The following ZNF544 variants were observed in gnomAD, a reference collection of about 807,000 sequenced individuals.
ZNF544 encodes zinc finger protein 544.
In ZNF544, 10 loss-of-function variants were observed where a neutral mutation model predicts 13.5. The ratio of observed to expected loss-of-function variants is 0.74; its 90% confidence interval spans 0.46 to 1.25. The LOEUF is 1.25. Among genes scored for constraint, ZNF544 ranks in the 50% most tolerant of loss-of-function variants. The pLI, the probability that ZNF544 is intolerant of heterozygous loss-of-function variation, is 0.00. For missense variants in ZNF544, 896 were observed against 845.6 expected, an observed-to-expected ratio of 1.06 and a Z score of -0.74; for synonymous variants, 323 against 300.5, an observed-to-expected ratio of 1.07 and a Z score of -0.77.
chr19:58,233,428 C>CATAG, intron 3 of ZNF544, among the ~76,000 whole-genome samples: 1 of 151,988 alleles, frequency 6.6e-6, no homozygotes, highest in Non-Finnish European at 1.5e-5. Context: ...GACACCATAG[C>CATAG]ATAGATATAA....
Position 58,262,846 on chromosome 19 carries a change from A to G in ZNF544, c.*92A>G. The G allele has an allele frequency of 6.6e-7, 1 of 1,509,534 alleles. No individual in the cohort carries two copies. The highest frequency in any genetic ancestry group is 2.4e-5 in the East Asian group (1 of 42,492). 93.5% of individuals were successfully genotyped at this position (1,509,534 alleles called of 1,614,324 possible). On this transcript the variant is annotated 3_prime_UTR_variant, in exon 7 of 7. Coordinates refer to ENST00000687789, the MANE Select transcript of ZNF544 (RefSeq NM_014480.4). Reference sequence around the variant, plus strand: ...GTCGGTGGGAAGAGCTATCAGTGTGACGTGTATTAAGCCAGCGGTTGTGAC... The same window carrying G: ...GTCGGTGGGAAGAGCTATCAGTGTGGCGTGTATTAAGCCAGCGGTTGTGAC...
At chr19:58,255,098 C>T (rs998529544) in intron 6 of ZNF544, among the ~76,000 whole-genome samples, 6 of 151,748 alleles carry the variant, frequency 4.0e-5, no homozygotes, top group Admixed American at 3.9e-4. Context: ...CCATGTTAGC[C>T]AGGATGGTCT....
intron 6 of ZNF544, among the ~76,000 whole-genome samples, chr19:58,248,819 G>A (rs1368548885): frequency 6.6e-6 from 1 of 152,200 alleles, no homozygotes; most frequent in Non-Finnish European, 1.5e-5. Flanking sequence ...AATGGGAGTG[G>A]TCTGGAGCAA....
At chr19:58,253,614 A>AT (rs1265680600) in intron 6 of ZNF544, among the ~76,000 whole-genome samples, 1 of 151,974 alleles carries the variant, frequency 6.6e-6, no homozygotes, top group Non-Finnish European at 1.5e-5. Context: ...AATTTTTTTT[A>AT]TTTTTAGTAG....
chr19:58,246,458 T>C, intron 5 of ZNF544, 31 bp downstream of exon 5: 1 of 1,612,712 alleles, frequency 6.2e-7, no homozygotes, highest in Non-Finnish European at 8.5e-7. Flanking sequence ...AAGGAGGTTC[T>C]ACCCCTAGGA....
At chr19:58,237,251 A>G (rs2042610533) in intron 3 of ZNF544, among the ~76,000 whole-genome samples, 2 of 151,570 alleles carry the variant, frequency 1.3e-5, no homozygotes, top group Non-Finnish European at 2.9e-5. Context: ...TTTTGTAGAG[A>G]CGGGGTTTTG....
At position 58,233,013 on chromosome 19, in the gene ZNF544, T is replaced by C. The variant is rs548385142; in HGVS notation, c.-60+2551T>C. Among the ~76,000 whole-genome samples the C allele has an allele frequency of 2.7e-5, 4 of 150,770 alleles. No homozygotes were observed. In the South Asian group the frequency reaches 8.4e-4, roughly 32 times the overall value. On this transcript the variant is annotated intron_variant, in intron 3 of 6. Coordinates refer to ENST00000687789, the MANE Select transcript of ZNF544 (RefSeq NM_014480.4). ...TAATTTATAAAGGAAAGAGGTTTAA[T>C]TGACTCACAGTTCCACATAGCTGGG...
Position 58,246,422 on chromosome 19 carries a change from C to T in ZNF544, c.155C>T (p.Ser52Phe), listed in dbSNP as rs2045230109. The part of the protein sequence containing the change: ...VTLETWEHIV[S>F]LGLFLSKSDV... ...CTGGAGACCTGGGAGCATATTGTCTCCCTGGGTAAGTGGCTGTGCTCATGG... is the reference window on the plus strand; with the variant it reads ...CTGGAGACCTGGGAGCATATTGTCTTCCTGGGTAAGTGGCTGTGCTCATGG... The change falls in exon 5 of 7, where the codon TCC (serine) becomes TTC (phenylalanine). Residue 52 changes from serine to phenylalanine, a missense_variant. Physicochemically the swap from Ser to Phe is radical, Grantham distance 155. Coordinates refer to ENST00000687789, the MANE Select transcript of ZNF544 (RefSeq NM_014480.4). 6.2e-7 allele frequency: 1 copy of T among 1,613,850 alleles called. No homozygotes were observed. The highest frequency in any genetic ancestry group is 8.5e-7 in the Non-Finnish European group (1 of 1,179,990).
intron 6 of ZNF544, among the ~76,000 whole-genome samples, chr19:58,256,400 TTCTC>T (rs2047381044): frequency 6.6e-6 from 1 of 152,012 alleles, no homozygotes; most frequent in South Asian, 2.1e-4. Flanking sequence ...ATGCTCAAAA[TTCTC>T]TCGGCCTCGA....
At position 58,261,170 on chromosome 19, in the gene ZNF544, C is replaced by A; in HGVS notation, c.564C>A (p.Asn188Lys). 1.2e-6 allele frequency: 2 copies of A among 1,614,176 alleles called. No individual in the cohort carries two copies. Among genetic ancestry groups the A allele is most frequent in the South Asian group, 2.2e-5 (2 of 91,088 alleles). The change falls in exon 7 of 7, where the codon AAC becomes AAA. Residue 188 changes from asparagine to lysine, a missense_variant. Coordinates refer to ENST00000687789, the MANE Select transcript of ZNF544 (RefSeq NM_014480.4). Reference sequence around the variant, plus strand: ...CAAGTACAGGTTTCCCTAAGCCCAACTCACAAGTTAAAGAGTTGAAACAAA... The same window carrying A: ...CAAGTACAGGTTTCCCTAAGCCCAAATCACAAGTTAAAGAGTTGAAACAAA... ...LPTSTGFPKP[N>K]SQVKELKQNS... is the part of the protein sequence containing the mutation.
rs549529116 is a variant in ZNF544, at chr19:58,243,889, G to C, written c.-59-76G>C. 142 of 1,251,450 alleles carry C rather than the reference G, an allele frequency of 1.1e-4. No individual in the cohort carries two copies. The African/African-American group carries it at 2.0e-3, about 18-fold the overall frequency. 77.5% of individuals were successfully genotyped at this position (1,251,450 alleles called of 1,614,324 possible). ...AAGCCCTGCTTGTGGCCGGCCCCGC[G>C]TTCTCTAGGGTGGGTGTTGGCCCTG... On this transcript the variant is annotated intron_variant, in intron 3 of 6. Coordinates refer to ENST00000687789, the MANE Select transcript of ZNF544 (RefSeq NM_014480.4).
Position 58,237,373 on chromosome 19 carries a change from C to G in ZNF544, c.-59-6592C>G, listed in dbSNP as rs553668153. 1.1e-3 allele frequency among the ~76,000 whole-genome samples: 161 copies of G among 152,256 alleles called. 1 individual carries two copies. Among genetic ancestry groups the G allele is most frequent in the Admixed American group, 2.1e-3 (32 of 15,290 alleles). ...CGCCTGGCCTCAAGCTTCTGTTCAT[C>G]TTAAGCCAACAATTTTGTGGAAATT... On this transcript the variant is annotated intron_variant, in intron 3 of 6. Transcript: ENST00000687789.
At position 58,244,069 on chromosome 19, in the gene ZNF544, T is replaced by C. The variant is rs1204605106; in HGVS notation, c.33+13T>C. The C allele has an allele frequency of 6.2e-7, 1 of 1,602,798 alleles. No homozygotes were observed. The highest frequency in any genetic ancestry group is 1.1e-5 in the South Asian group (1 of 89,188). ...GGTTCCACCCCAGGTGAGTGGGGGG[T>C]CTTTGCTCTCAGTGCCTTGGTCTCC... On this transcript the variant is annotated intron_variant, in intron 4 of 6. Coordinates refer to ENST00000687789, the MANE Select transcript of ZNF544 (RefSeq NM_014480.4).
At chr19:58,231,005 C>T (rs548201206) in intron 3 of ZNF544, among the ~76,000 whole-genome samples, 6 of 151,996 alleles carry the variant, frequency 3.9e-5, no homozygotes, top group Non-Finnish European at 7.4e-5. Flanking sequence ...AGCATGAGCT[C>T]GCAGCTGTAA....
intron 6 of ZNF544, among the ~76,000 whole-genome samples, chr19:58,252,016 C>A (rs1003473226): frequency 6.6e-6 from 1 of 152,148 alleles, no homozygotes; most frequent in African/African-American, 2.4e-5. Flanking sequence ...TTTATAACTT[C>A]ATTAAACTTC....
intron 3 of ZNF544, among the ~76,000 whole-genome samples, chr19:58,241,161 A>AATATATATATATATTTT (rs2043590255): frequency 8.0e-5 from 4 of 49,700 alleles, no homozygotes; most frequent in Non-Finnish European, 1.5e-4. Flanking sequence ...ATATATATTT[A>AATATATATATATATTTT]AATATATATA....
intron 3 of ZNF544, among the ~76,000 whole-genome samples, chr19:58,243,245 GGA>G (rs2044299988): frequency 6.6e-6 from 1 of 152,044 alleles, no homozygotes; most frequent in Non-Finnish European, 1.5e-5. Context: ...ATGCGCTTCT[GGA>G]ATGTTCAGTG....
chr19:58,263,677 G>A (rs940321372), downstream of ZNF544: 3 of 724,496 alleles, frequency 4.1e-6, no homozygotes, highest in African/African-American at 1.9e-5. Context: ...AATCACACAG[G>A]TGAGTGGGCA....
intron 6 of ZNF544, chr19:58,257,786 G>T (rs1370995858): frequency 6.6e-6 from 1 of 152,204 alleles, no homozygotes; most frequent in African/African-American, 2.4e-5. Context: ...TGTCATAGTT[G>T]GGGTCATTCA....
Sources: allele counts gnomAD v4.1 joint callset (sites outside exome capture counted in the v4.1 genomes callset), GRCh38; gene constraint gnomAD v4.1.1; transcripts MANE v1.5; gene names NCBI Gene and HGNC (gene_info 2026-07-23, HGNC 2026-07-21).